The following VPS13C variants were observed in gnomAD, a reference collection of about 807,000 sequenced individuals.
The protein encoded by VPS13C is vacuolar protein sorting 13 homolog C, also known as intermembrane lipid transfer protein VPS13C.
VPS13C carries 358 observed loss-of-function variants against 456.8 expected under a neutral mutation model. The observed-to-expected ratio is 0.78, with a 90% CI of 0.72 to 0.86. VPS13C has a LOEUF of 0.86. VPS13C is among the 40% of genes least tolerant of loss of function. VPS13C has a pLI of 0.00. For synonymous variants in VPS13C, 1,578 were observed against 1,486.7 expected, an observed-to-expected ratio of 1.06 and a Z score of -1.41; for missense variants, 4,818 against 4,385.4, an observed-to-expected ratio of 1.10 and a Z score of -2.79.
chr15:61,945,846 G>A lies in VPS13C; in HGVS notation c.5017C>T (p.Gln1673Ter). The change falls in exon 45 of 85, where the codon CAA (glutamine) becomes TAA (stop). Residue 1673 changes from glutamine to a stop codon, truncating the protein, a stop_gained. Transcript: ENST00000644861. LOFTEE classifies it high-confidence loss of function. ...SILGDEVFRF[Q>*]LTLYPDATEG... is the part of the protein sequence containing the mutation. ...GTGGCATCTGGATAAAGAGTCAGTT[G>A]GAACCTAAAGACTTCATCTCCCAAA... is the stretch of plus-strand genomic sequence containing the variant. 1 of 1,611,072 alleles carries A rather than the reference G, an allele frequency of 6.2e-7. No individual in the cohort carries two copies. Among genetic ancestry groups the A allele is most frequent in the Non-Finnish European group, 8.5e-7 (1 of 1,179,110 alleles).
intron 50 of VPS13C, among the ~76,000 whole-genome samples, chr15:61,930,042 A>C (rs1041869958): frequency 2.0e-5 from 3 of 152,236 alleles, no homozygotes; most frequent in Non-Finnish European, 2.9e-5. Context: ...GCAATACTAA[A>C]GAAACAAACC....
rs1377358105 is a variant in VPS13C, at chr15:61,918,252, T to G, written c.7644A>C (p.Lys2548Asn). ...TGATAAATGCAATGGAGAAATGGTT[T>G]TTGATCTGTTGGACAAAAAAAAATA... ...VITLRSPLQI[K>N]NHFSIAFIIY... Residue 2548 changes from lysine to asparagine, a missense_variant, in exon 59 of 85, where the codon AAA becomes AAC. Transcript: ENST00000644861. 2 of 1,556,950 alleles carry G rather than the reference T, an allele frequency of 1.3e-6. No homozygotes were observed. The highest frequency in any genetic ancestry group is 1.7e-6 in the Non-Finnish European group (2 of 1,157,148).
At chr15:61,896,379 G>T (rs1472344774) in intron 66 of VPS13C, among the ~76,000 whole-genome samples, 1 of 152,190 alleles carries the variant, frequency 6.6e-6, no homozygotes, top group African/African-American at 2.4e-5. Flanking sequence ...AGTGGGCACA[G>T]GTCAGTGGGT....
rs796194257 is a variant in VPS13C at position 61,945,695 on chromosome 15, A to G, written c.5148+20T>C. ...ATATTTAGGCCTCAGTGAGGAATAA[A>G]TATATTTTTAAAAACTTACCAAAAG... On this transcript the variant is annotated intron_variant, in intron 45 of 84. Coordinates refer to ENST00000644861, the MANE Select transcript of VPS13C (RefSeq NM_020821.3). 5 of 1,559,618 alleles carry G rather than the reference A, an allele frequency of 3.2e-6. No individual in the cohort carries two copies. In the African/African-American group the frequency reaches 5.5e-5, roughly 17 times the overall value.
At chr15:61,932,332 T>C (rs569267902) in intron 49 of VPS13C, among the ~76,000 whole-genome samples, 4 of 152,048 alleles carry the variant, frequency 2.6e-5, no homozygotes, top group Non-Finnish European at 5.9e-5. Flanking sequence ...CTTTAGGACA[T>C]AGGATACAGG....
chr15:61,869,082 A>C (rs761798006), intron 80 of VPS13C, among the ~76,000 whole-genome samples: 2 of 151,050 alleles, frequency 1.3e-5, no homozygotes, highest in Non-Finnish European at 2.9e-5. Context: ...AGAGAAATTT[A>C]GCCATAAAAT....
intron 28 of VPS13C, among the ~76,000 whole-genome samples, chr15:61,968,513 G>A (rs1019604366): frequency 2.8e-4 from 42 of 151,972 alleles, no homozygotes; most frequent in African/African-American, 8.2e-4. Flanking sequence ...AGGTACCAAG[G>A]GACGACTGCA....
intron 1 of VPS13C, among the ~76,000 whole-genome samples, chr15:62,055,926 G>A (rs972847642): frequency 6.6e-6 from 1 of 152,146 alleles, no homozygotes; most frequent in Non-Finnish European, 1.5e-5. Flanking sequence ...CCTCTGCATT[G>A]TAGAATGTTT....
intron 66 of VPS13C, among the ~76,000 whole-genome samples, chr15:61,890,724 G>C (rs1350033792): frequency 2.0e-5 from 3 of 152,132 alleles, no homozygotes; most frequent in African/African-American, 7.2e-5. Flanking sequence ...CTCCAAGCCG[G>C]AAAACAGAAT....
At chr15:61,954,341 A>C (rs1050465638) in intron 38 of VPS13C, 80 bp downstream of exon 38, 3 of 1,467,014 alleles carry the variant, frequency 2.0e-6, no homozygotes, top group Admixed American at 2.3e-5. Flanking sequence ...AGTATCAATT[A>C]TCTGTAAGTT....
At chr15:62,039,477 A>C (rs2140698116) in intron 3 of VPS13C, among the ~76,000 whole-genome samples, 1 of 152,204 alleles carries the variant, frequency 6.6e-6, no homozygotes, top group East Asian at 1.9e-4. Context: ...GGAATTAACA[A>C]CCAGAATATA....
intron 9 of VPS13C, among the ~76,000 whole-genome samples, chr15:62,019,701 C>A (rs1395410441): frequency 2.0e-5 from 3 of 152,014 alleles, no homozygotes; most frequent in African/African-American, 7.3e-5. Flanking sequence ...GAGTGCTTTA[C>A]TTCCAACTAT....
intron 8 of VPS13C, among the ~76,000 whole-genome samples, chr15:62,021,542 G>A (rs1318384597): frequency 1.3e-5 from 2 of 151,828 alleles, no homozygotes; most frequent in Non-Finnish European, 2.9e-5. Context: ...ACATCTTAAA[G>A]AAAAGTCTTA....
At chr15:61,957,002 T>A (rs1195350013) in intron 37 of VPS13C, among the ~76,000 whole-genome samples, 1 of 152,066 alleles carries the variant, frequency 6.6e-6, no homozygotes, top group Non-Finnish European at 1.5e-5. Flanking sequence ...AGACACACAA[T>A]AACATTCATA....
At chr15:62,031,533 A>G (rs928478123) in intron 5 of VPS13C, among the ~76,000 whole-genome samples, 1 of 152,046 alleles carries the variant, frequency 6.6e-6, no homozygotes, top group Non-Finnish European at 1.5e-5. Context: ...ACAGTTAAGA[A>G]AAAAATAATC....
chr15:62,043,465 G>C (rs1159322231), intron 2 of VPS13C, among the ~76,000 whole-genome samples: 3 of 152,092 alleles, frequency 2.0e-5, no homozygotes, highest in East Asian at 1.9e-4. Context: ...AATTACCCAG[G>C]CGTGGTGGCA....
chr15:61,949,406 T>A, intron 42 of VPS13C, 37 bp downstream of exon 42: 1 of 1,589,990 alleles, frequency 6.3e-7, no homozygotes, highest in Non-Finnish European at 8.5e-7. Context: ...TTATTAAAGT[T>A]CAAAGTATTA....
At chr15:61,924,369 C>T (rs2043771658) in intron 53 of VPS13C, among the ~76,000 whole-genome samples, 1 of 152,198 alleles carries the variant, frequency 6.6e-6, no homozygotes, top group Non-Finnish European at 1.5e-5. Flanking sequence ...TGCATCTTGG[C>T]CATGCCTCTA....
intron 77 of VPS13C, among the ~76,000 whole-genome samples, chr15:61,873,724 A>AAT (rs1265509191): frequency 6.6e-6 from 1 of 151,880 alleles, no homozygotes; most frequent in Non-Finnish European, 1.5e-5. Flanking sequence ...TGAGAGTGGA[A>AAT]ATATAACTTA....
Sources: allele counts gnomAD v4.1 joint callset (sites outside exome capture counted in the v4.1 genomes callset), GRCh38; gene constraint gnomAD v4.1.1; transcripts MANE v1.5; gene names NCBI Gene and HGNC (gene_info 2026-07-23, HGNC 2026-07-21).